The following CTTNBP2 variants were observed in gnomAD, a reference collection of about 807,000 sequenced individuals.
CTTNBP2 encodes cortactin-binding protein 2.
Under a neutral mutation model 156.9 loss-of-function variants are expected in CTTNBP2, and 108 were observed. That is an observed-to-expected ratio of 0.69 (90% CI 0.59 to 0.81). The LOEUF (loss-of-function observed/expected upper bound fraction) is 0.81. CTTNBP2 is among the 30% of genes least tolerant of loss of function. The pLI is 0.00. For synonymous variants in CTTNBP2, 767 were observed against 751.8 expected (o/e 1.02, Z -0.33); for missense variants, 1,924 against 2,035.4 (o/e 0.95, Z 1.05).
At chr7:117,716,778 T>C (rs531311823) in intron 22 of CTTNBP2, among the ~76,000 whole-genome samples, 154 of 152,158 alleles carry the variant, frequency 1.0e-3, no homozygotes, top group Non-Finnish European at 1.6e-3. Flanking sequence ...CCCACTCCCA[T>C]ACCTGCTCTC....
chr7:117,734,089 G>A (rs1338826655), intron 16 of CTTNBP2, among the ~76,000 whole-genome samples: 3 of 152,230 alleles, frequency 2.0e-5, no homozygotes, highest in Non-Finnish European at 4.4e-5. Context: ...GCACACTGCA[G>A]TCTTGACGGG....
At chr7:117,817,520 A>C (rs946912948) in intron 2 of CTTNBP2, among the ~76,000 whole-genome samples, 3 of 150,430 alleles carry the variant, frequency 2.0e-5, no homozygotes. Context: ...GTTTGATATA[A>C]TCAATTGAAC....
At chr7:117,711,822 T>TA (rs765913665) in intron 22 of CTTNBP2, 40 bp from the exon 23 acceptor site, 110 of 1,581,632 alleles carry the variant, frequency 7.0e-5, no homozygotes, top group Non-Finnish European at 9.2e-5. Context: ...ATCACAAACT[T>TA]CTCCTGTTAT....
intron 3 of CTTNBP2, among the ~76,000 whole-genome samples, chr7:117,796,441 T>C (rs941098201): frequency 6.6e-6 from 1 of 152,194 alleles, no homozygotes; most frequent in Non-Finnish European, 1.5e-5. Flanking sequence ...AATTTTTATA[T>C]TAAAAAATCT....
chr7:117,739,755 C>A (rs1182541847), intron 14 of CTTNBP2, among the ~76,000 whole-genome samples: 1 of 152,138 alleles, frequency 6.6e-6, no homozygotes, highest in African/African-American at 2.4e-5. Flanking sequence ...TCTGGAGGAA[C>A]GATGTTCTGA....
At chr7:117,847,630 A>G (rs1026743522) in intron 2 of CTTNBP2, among the ~76,000 whole-genome samples, 1 of 152,226 alleles carries the variant, frequency 6.6e-6, no homozygotes, top group African/African-American at 2.4e-5. Context: ...GTCAACTACC[A>G]GTACTTAAAC....
chr7:117,716,363 A>G (rs191181302), intron 22 of CTTNBP2, among the ~76,000 whole-genome samples: 55 of 152,130 alleles, frequency 3.6e-4, no homozygotes, highest in South Asian at 1.5e-3. Flanking sequence ...TTTACACAAG[A>G]AAGTGATTTG....
chr7:117,795,800 A>G (rs1799281677), intron 3 of CTTNBP2, among the ~76,000 whole-genome samples: 1 of 152,196 alleles, frequency 6.6e-6, no homozygotes, highest in Non-Finnish European at 1.5e-5. Context: ...CCTATCTCAA[A>G]CTAATACATG....
intron 2 of CTTNBP2, among the ~76,000 whole-genome samples, chr7:117,858,450 G>C (rs1369900528): frequency 1.3e-5 from 2 of 152,210 alleles, no homozygotes; most frequent in Non-Finnish European, 2.9e-5. Context: ...GTGTGAAAAT[G>C]AACTGGAAGC....
intron 14 of CTTNBP2, among the ~76,000 whole-genome samples, chr7:117,743,240 T>C (rs1796112078): frequency 6.6e-6 from 1 of 152,234 alleles, no homozygotes; most frequent in Non-Finnish European, 1.5e-5. Flanking sequence ...CTATAATTGC[T>C]ATCTACCCCC....
chr7:117,756,888 C>T (rs1436418470), intron 11 of CTTNBP2, among the ~76,000 whole-genome samples: 1 of 152,192 alleles, frequency 6.6e-6, no homozygotes, highest in East Asian at 1.9e-4. Flanking sequence ...CCTGGGATGC[C>T]CACCTACCTC....
chr7:117,771,949 G>A lies in CTTNBP2; in HGVS notation c.2779-4773C>T, dbSNP rs1266706066. ...TTTGAGGTAATGGCAGCAGCAGGGA[G>A]GGGAGAGAGCACAGGATGTTTGCAC... On this transcript the variant is annotated intron_variant, in intron 8 of 22. Transcript: ENST00000160373. Among the ~76,000 whole-genome samples the A allele has an allele frequency of 3.9e-5, 6 of 152,154 alleles. No homozygotes were observed. In the East Asian group the frequency reaches 1.2e-3, roughly 29 times the overall value.
chr7:117,867,725 T>TA (rs1034116161), intron 1 of CTTNBP2, among the ~76,000 whole-genome samples: 1 of 152,140 alleles, frequency 6.6e-6, no homozygotes, highest in Admixed American at 6.5e-5. Flanking sequence ...TCATTTAGAG[T>TA]AACCTAAACT....
chr7:117,767,069 C>T lies in CTTNBP2; in HGVS notation c.2886G>A (p.Leu962=), dbSNP rs1797522957. The T allele has an allele frequency of 6.4e-7, 1 of 1,570,762 alleles. No homozygotes were observed. The highest frequency in any genetic ancestry group is 1.3e-5 in the African/African-American group (1 of 74,110). ...CTGAACATCACTCACTCAGATTCTC[C>T]AGCAAATGCTTGCAGTCATCAGTGG... ...DVATDDCKHL[L]ENLNALKIPL... The change falls in exon 9 of 23, where the codon CTG becomes CTA. Residue 962 remains leucine (L), a synonymous_variant. Coordinates refer to ENST00000160373, the MANE Select transcript of CTTNBP2 (RefSeq NM_033427.3).
chr7:117,847,905 G>A (rs566643007), intron 2 of CTTNBP2, among the ~76,000 whole-genome samples: 20 of 130,040 alleles, frequency 1.5e-4, no homozygotes, highest in Non-Finnish European at 2.7e-4. Flanking sequence ...AGCAATCTCC[G>A]CCTCCCAGGT....
At chr7:117,845,092 A>T (rs1297051365) in intron 2 of CTTNBP2, among the ~76,000 whole-genome samples, 1 of 152,154 alleles carries the variant, frequency 6.6e-6, no homozygotes, top group Non-Finnish European at 1.5e-5. Flanking sequence ...AGGCTTGTGC[A>T]AGCCTATTGG....
Position 117,791,183 on chromosome 7 carries a change from A to C in CTTNBP2, c.2013T>G (p.Val671=). ...CACCTGGTCTACAGGATGAGGCACT[A>C]ACGGGGTTTATGGAAGAGCAAAAGG... is the stretch of plus-strand genomic sequence containing the variant. ...TIAFCSSINP[V]SASSCRPGAS... The change falls in exon 4 of 23, where the codon GTT becomes GTG. Residue 671 remains valine (V), a synonymous_variant. Coordinates refer to ENST00000160373, the MANE Select transcript of CTTNBP2 (RefSeq NM_033427.3). The C allele has an allele frequency of 6.2e-7, 1 of 1,614,174 alleles. No individual in the cohort carries two copies. The highest frequency in any genetic ancestry group is 8.5e-7 in the Non-Finnish European group (1 of 1,180,022).
rs536738036 is a variant in CTTNBP2 at position 117,791,983 on chromosome 7, C to T, written c.1213G>A (p.Ala405Thr). ...GGTGTTTGAGCGGTGGGAGGGGCAGCGTTACTGGGAAGTGGGGGTGTGCTA... is the reference window on the plus strand; with the variant it reads ...GGTGTTTGAGCGGTGGGAGGGGCAGTGTTACTGGGAAGTGGGGGTGTGCTA... ...TSSTPPLPSN[A>T]APPTAQTPGI... The change falls in exon 4 of 23, where the codon GCT becomes ACT. Residue 405 changes from alanine (A) to threonine (T), a missense_variant. Transcript: ENST00000160373. The T allele has an allele frequency of 6.3e-5, 101 of 1,613,972 alleles. No individual in the cohort carries two copies. The highest frequency in any genetic ancestry group is 7.8e-5 in the Non-Finnish European group (92 of 1,180,006).
At chr7:117,714,363 T>G (rs1430209540) in intron 22 of CTTNBP2, 1 of 152,210 alleles carries the variant, frequency 6.6e-6, no homozygotes, top group African/African-American at 2.4e-5. Flanking sequence ...TTAGAACTTG[T>G]AATTTGGTTT....
Sources: allele counts gnomAD v4.1 joint callset (sites outside exome capture counted in the v4.1 genomes callset), GRCh38; gene constraint gnomAD v4.1.1; transcripts MANE v1.5; gene names NCBI Gene and HGNC (gene_info 2026-07-23, HGNC 2026-07-21).